DYRK4: variants seen among roughly 807,000 people sequenced by gnomAD.
DYRK4 encodes the protein dual specificity tyrosine phosphorylation regulated kinase 4, also known as dual specificity tyrosine-phosphorylation-regulated kinase 4.
A neutral mutation model predicts 68.3 loss-of-function variants in DYRK4; 64 were observed. The ratio of observed to expected loss-of-function variants is 0.94; its 90% CI spans 0.77 to 1.15. The LOEUF (loss-of-function observed/expected upper bound fraction) is 1.15, where lower values mean the gene tolerates loss of function less well. DYRK4 is among the 50% of genes most tolerant of loss of function. The probability of loss-of-function intolerance (pLI) is 0.00; values close to 1 mark genes in which losing one functional copy is unlikely to be tolerated. For missense variants in DYRK4, 740 were observed against 764.7 expected (o/e 0.97, Z 0.38); for synonymous variants, 274 against 289.9 (o/e 0.95, Z 0.56).
intron 2 of DYRK4, among the ~76,000 whole-genome samples, chr12:4,576,173 A>T (rs1944787396): frequency 6.6e-6 from 1 of 152,160 alleles, no homozygotes; most frequent in Non-Finnish European, 1.5e-5. Context: ...TTGTCCATCT[A>T]TTCATCCTTT....
intron 6 of DYRK4, 33 bp from the exon 7 acceptor site, chr12:4,596,116 C>G (rs1945014731): frequency 6.2e-7 from 1 of 1,610,414 alleles, no homozygotes; most frequent in African/African-American, 1.3e-5. Flanking sequence ...GAGCCCATGG[C>G]TTTGCTCTTC....
chr12:4,609,775 T>C (rs1945196493), intron 12 of DYRK4, among the ~76,000 whole-genome samples: 1 of 152,250 alleles, frequency 6.6e-6, no homozygotes, highest in South Asian at 2.1e-4. Flanking sequence ...AATGGATATT[T>C]GTACAATTTC....
intron 2 of DYRK4, among the ~76,000 whole-genome samples, chr12:4,585,860 A>G (rs1944891742): frequency 6.6e-6 from 1 of 152,226 alleles, no homozygotes; most frequent in Non-Finnish European, 1.5e-5. Flanking sequence ...AAACTTCATA[A>G]TTTAGTTCTG....
intron 3 of DYRK4, among the ~76,000 whole-genome samples, chr12:4,589,842 A>G (rs867795919): frequency 1.3e-5 from 2 of 152,214 alleles, no homozygotes; most frequent in African/African-American, 2.4e-5. Context: ...TCAAGTCAAT[A>G]ATGTAGTCAT....
intron 5 of DYRK4, 123 bp from the exon 6 acceptor site, chr12:4,592,879 G>C (rs999801216): frequency 8.2e-7 from 1 of 1,214,898 alleles, no homozygotes; most frequent in Non-Finnish European, 1.1e-6. Context: ...AGGGTCCTCA[G>C]TGAGCCACCC....
At chr12:4,603,308 A>G in intron 10 of DYRK4, 3 of 788,530 alleles carry the variant, frequency 3.8e-6, no homozygotes, top group Non-Finnish European at 6.1e-6. Context: ...AGCCATCTCT[A>G]TTATGCTGGC....
Position 4,613,773 on chromosome 12 carries a change from C to G in DYRK4, c.*20C>G. On this transcript the variant is annotated 3_prime_UTR_variant, in exon 15 of 15. Transcript: ENST00000543431. This position sits in a 1 kb window ranked among gnomAD's most constrained non-coding sequence, Gnocchi z 4.0. ...GTATGACCTTTGCTGAGGGTATGTC[C>G]TGCTCCTTTCCACCAGTGATTTGTA... 1.3e-6 allele frequency: 2 copies of G among 1,489,624 alleles called. No individual in the cohort carries two copies. The highest frequency in any genetic ancestry group is 9.0e-7 in the Non-Finnish European group (1 of 1,113,096). The allele number at this position is 1,489,624 out of a possible 1,614,324, so 92.3% of individuals were successfully genotyped here.
intron 2 of DYRK4, among the ~76,000 whole-genome samples, chr12:4,575,517 G>A (rs1013320155): frequency 1.3e-5 from 2 of 151,914 alleles, no homozygotes; most frequent in East Asian, 1.9e-4. Context: ...CACTATGTTG[G>A]CCAGGATGGT....
Position 4,591,591 on chromosome 12 carries a change from C to T in DYRK4, c.463+293C>T, listed in dbSNP as rs73257450. 6,849 of 348,060 alleles carry T rather than the reference C, an allele frequency of 0.02. 418 individuals carry two copies. Among genetic ancestry groups the T allele is most frequent in the African/African-American group, 0.13 (6,321 of 48,626 alleles). 21.6% of individuals were successfully genotyped at this position (348,060 alleles called of 1,614,324 possible). A position where few individuals can be genotyped will look rare whatever the true frequency, so the allele number is the denominator to read the frequency against. ...GCCTAAGGAGCCCAGACACAAGGCT[C>T]CTGTCATTTTATGGACCCAGGGGCC... is the stretch of plus-strand genomic sequence containing the variant. On this transcript the variant is annotated intron_variant, in intron 5 of 14. Transcript: ENST00000543431. The surrounding 1 kb of genome is among the most constrained non-coding windows in gnomAD (Gnocchi z 4.1).
chr12:4,596,056 G>A, intron 6 of DYRK4, 93 bp from the exon 7 acceptor site: 1 of 1,387,524 alleles, frequency 7.2e-7, no homozygotes, highest in Non-Finnish European at 1.0e-6. Context: ...CCAGGAGTGA[G>A]CCATAATCTG....
intron 8 of DYRK4, 29 bp from the exon 9 acceptor site, chr12:4,598,999 A>G (rs778276733): frequency 3.2e-5 from 52 of 1,612,674 alleles, no homozygotes; most frequent in Non-Finnish European, 4.2e-5. Flanking sequence ...TTTTACACCC[A>G]TATGCATCAC....
intron 13 of DYRK4, among the ~76,000 whole-genome samples, chr12:4,611,676 C>T (rs140459089): frequency 4.9e-4 from 74 of 152,272 alleles, no homozygotes; most frequent in African/African-American, 1.7e-3. Flanking sequence ...CTTAATGAGT[C>T]TAGAATGTTA....
In DYRK4 at chr12:4,612,546, G is replaced by A; in HGVS notation, c.1494G>A (p.Trp498Ter). 6.2e-7 allele frequency: 1 copy of A among 1,613,810 alleles called. No homozygotes were observed. Among genetic ancestry groups the A allele is most frequent in the Non-Finnish European group, 8.5e-7 (1 of 1,179,792 alleles). ...FLDFLRRCLV[W>*]EPSLRMTPDQ... Reference sequence around the variant, plus strand: ...GTGGGGCTTTGTTGGGGTGCAGATGGGAACCTTCTCTTCGCATGACCCCGG... The same window carrying A: ...GTGGGGCTTTGTTGGGGTGCAGATGAGAACCTTCTCTTCGCATGACCCCGG... The change falls in exon 14 of 15, where the codon TGG (tryptophan) becomes TGA (stop). Residue 498 changes from tryptophan to a stop codon, truncating the protein, a stop_gained. Transcript: ENST00000543431. LOFTEE classifies it high-confidence loss of function.
chr12:4,604,989 A>G lies in DYRK4; in HGVS notation c.1202A>G (p.Asp401Gly). The change falls in exon 11 of 15, where the codon GAC (aspartate) becomes GGC (glycine). Residue 401 changes from aspartate (D) to glycine (G), a missense_variant. Asp to Gly is a moderately conservative substitution (Grantham distance 94). Around this residue, in one of 3 missense-constraint regions of DYRK4, gnomAD observed 614 missense variants for 603.7 expected, o/e 1.02. Coordinates refer to ENST00000543431, the MANE Select transcript of DYRK4 (RefSeq NM_001394779.1). ...ILGHPYDVAIDMWSLGCITAE... is the reference protein window; with the variant it reads ...ILGHPYDVAIGMWSLGCITAE... ...GGCCACCCCTACGACGTGGCCATTG[A>G]CATGTGGAGCCTGGGCTGCATCACG... The G allele has an allele frequency of 6.2e-7, 1 of 1,614,040 alleles. No homozygotes were observed. The highest frequency in any genetic ancestry group is 8.5e-7 in the Non-Finnish European group (1 of 1,179,936).
intron 2 of DYRK4, 145 bp downstream of exon 2, chr12:4,568,193 G>A (rs1436585988): frequency 2.7e-6 from 2 of 728,268 alleles, no homozygotes; most frequent in Admixed American, 2.8e-5. Flanking sequence ...TGATTGGCAG[G>A]GCCAAATCTG....
rs1944925344 is a variant in DYRK4 at position 4,588,975 on chromosome 12, T to C, written c.171T>C (p.Pro57=). Residue 57 remains proline (P), a synonymous_variant, in exon 3 of 15, where the codon CCT becomes CCC. Coordinates refer to ENST00000543431, the MANE Select transcript of DYRK4 (RefSeq NM_001394779.1). ...TTTCGGTTCAGATCCAGAAGCCACC[T>C]TCCAATATCAAGAACTCCAGAATGA... The part of the protein sequence containing the change: ...SKLSVQIQKP[P]SNIKNSRMTQ... The C allele has an allele frequency of 6.5e-7, 1 of 1,536,018 alleles. No individual in the cohort carries two copies. Among genetic ancestry groups the C allele is most frequent in the African/African-American group, 1.4e-5 (1 of 73,056 alleles).
At chr12:4,605,729 G>GGTTT (rs1491142357) in intron 11 of DYRK4, among the ~76,000 whole-genome samples, 1 of 102,118 alleles carries the variant, frequency 9.8e-6, no homozygotes, top group East Asian at 2.7e-4. Flanking sequence ...ATAGAGCTGG[G>GGTTT]TTTTTTTTTT....
chr12:4,590,348 C>T lies in DYRK4; in HGVS notation c.232C>T (p.Leu78Phe), dbSNP rs1428701742. 1.3e-6 allele frequency: 2 copies of T among 1,535,452 alleles called. No individual in the cohort carries two copies. The highest frequency in any genetic ancestry group is 8.7e-7 in the Non-Finnish European group (1 of 1,146,654). Residue 78 changes from leucine (L) to phenylalanine (F), a missense_variant, in exon 4 of 15, where the codon CTC (leucine) becomes TTC (phenylalanine). Leu to Phe is a conservative substitution (Grantham distance 22). Around this residue, in one of 3 missense-constraint regions of DYRK4, gnomAD observed 56 missense variants for 89.9 expected, o/e 0.62. Coordinates refer to ENST00000543431, the MANE Select transcript of DYRK4 (RefSeq NM_001394779.1). ...TCTACAGAACACCAGTGTTACTTCACTCCCCTTTGTGGACACCAAGGGGAA... is the reference window on the plus strand; with the variant it reads ...TCTACAGAACACCAGTGTTACTTCATTCCCCTTTGTGGACACCAAGGGGAA... Reference protein sequence around the residue: ...VFHKNTSVTSLPFVDTKGKKN... With the variant: ...VFHKNTSVTSFPFVDTKGKKN...
At chr12:4,608,305 G>A (rs1006431807) in intron 12 of DYRK4, among the ~76,000 whole-genome samples, 5 of 152,066 alleles carry the variant, frequency 3.3e-5, no homozygotes, top group East Asian at 3.9e-4. Context: ...TTGTCAGGTC[G>A]GTTCATGGAC....
Sources: allele counts gnomAD v4.1 joint callset (sites outside exome capture counted in the v4.1 genomes callset), GRCh38; gene constraint gnomAD v4.1.1; regional missense constraint gnomAD v4.1.1; non-coding constraint Gnocchi (gnomAD v3.1); transcripts MANE v1.5; gene names NCBI Gene and HGNC (gene_info 2026-07-23, HGNC 2026-07-21).